C7: variants seen among roughly 807,000 people sequenced by gnomAD.
C7 encodes the protein complement C7.
C7 carries 83 observed loss-of-function variants against 104.8 expected under a neutral mutation model. That is an observed-to-expected ratio of 0.79 (90% CI 0.66 to 0.95). The LOEUF is 0.95. Ranked by LOEUF, C7 falls within the 40% of genes least tolerant of loss-of-function variation. The pLI, the probability that C7 is intolerant of heterozygous loss-of-function variation, is 0.00. For synonymous variants in C7, 415 were observed against 360.6 expected (o/e 1.15, Z -1.71); for missense variants, 1,070 against 1,011.2 (o/e 1.06, Z -0.79).
In C7 at chr5:40,934,373, T is replaced by C. The variant is rs748045831; in HGVS notation, c.187T>C (p.Cys63Arg). 1 of 1,613,686 alleles carries C rather than the reference T, an allele frequency of 6.2e-7. No homozygotes were observed. The highest frequency in any genetic ancestry group is 2.2e-5 in the East Asian group (1 of 44,866). Residue 63 changes from cysteine (C) to arginine (R), a missense_variant, in exon 4 of 18, where the codon TGT becomes CGT. Transcript: ENST00000313164. ...GTATGGGCAGTATGGAGGCCAGCCT[T>C]GTGTTGGAAATGCTTTTGAAACACA... ...AVYGQYGGQPCVGNAFETQSC... is the reference protein window; with the variant it reads ...AVYGQYGGQPRVGNAFETQSC...
chr5:40,984,110 T>C lies in C7; in HGVS notation c.*2537T>C, dbSNP rs1741011658. ...GCCTGAGAATATTTCCTAATCGTTT[T>C]GAGAAGTGCCTTCCTGTGACATCTT... On this transcript the variant is annotated 3_prime_UTR_variant, in exon 18 of 18. Coordinates refer to ENST00000313164, the MANE Select transcript of C7 (RefSeq NM_000587.4). 6.6e-6 allele frequency among the ~76,000 whole-genome samples: 1 copy of C among 152,232 alleles called. No homozygotes were observed. The highest frequency in any genetic ancestry group is 2.4e-5 in the African/African-American group (1 of 41,460).
intron 15 of C7, among the ~76,000 whole-genome samples, chr5:40,973,692 G>C (rs945178847): frequency 2.0e-5 from 3 of 152,156 alleles, no homozygotes; most frequent in Non-Finnish European, 2.9e-5. Context: ...ATAAACATGA[G>C]TTTACTTGGA....
At chr5:40,968,856 C>T (rs983368717) in intron 14 of C7, among the ~76,000 whole-genome samples, 29 of 151,360 alleles carry the variant, frequency 1.9e-4, no homozygotes, top group Non-Finnish European at 3.1e-4. Context: ...AAGTGATCTG[C>T]CTGCTTCAGT....
At chr5:40,933,451 T>C (rs570820133) in intron 3 of C7, among the ~76,000 whole-genome samples, 2 of 152,216 alleles carry the variant, frequency 1.3e-5, no homozygotes, top group South Asian at 4.1e-4. Context: ...TTTGTTTGAA[T>C]GTTAGATACA....
At chr5:40,909,824 G>A (rs1161292596) in intron 1 of C7, among the ~76,000 whole-genome samples, 1 of 152,070 alleles carries the variant, frequency 6.6e-6, no homozygotes, top group African/African-American at 2.4e-5. Context: ...CAGCCAAAGT[G>A]AATTCCTTTT....
At chr5:40,929,987 A>G (rs1339813652) in intron 2 of C7, among the ~76,000 whole-genome samples, 1 of 152,144 alleles carries the variant, frequency 6.6e-6, no homozygotes, top group African/African-American at 2.4e-5. Flanking sequence ...TTCAAAGGCC[A>G]TAAAACCTTG....
rs1740333109 is a variant in C7, at chr5:40,958,058, A to G, written c.1286A>G (p.Lys429Arg). The change falls in exon 11 of 18, where the codon AAG (lysine) becomes AGG (arginine). Residue 429 changes from lysine (K) to arginine (R), a missense_variant. Coordinates refer to ENST00000313164, the MANE Select transcript of C7 (RefSeq NM_000587.4). ...QKLTPLYELV[K>R]EVPCASVKKL... ...CTGACACCTTTATATGAGCTGGTAA[A>G]GGAAGTACCTTGTGCCTCTGTGAAA... 2 of 1,613,276 alleles carry G rather than the reference A, an allele frequency of 1.2e-6. No individual in the cohort carries two copies. The highest frequency in any genetic ancestry group is 2.7e-5 in the African/African-American group (2 of 74,914).
intron 7 of C7, among the ~76,000 whole-genome samples, chr5:40,946,545 C>T (rs1312337204): frequency 6.6e-6 from 1 of 152,128 alleles, no homozygotes; most frequent in Non-Finnish European, 1.5e-5. Flanking sequence ...CTGTCTTGGA[C>T]ATCATTAAAA....
intron 1 of C7, among the ~76,000 whole-genome samples, chr5:40,922,758 G>A (rs1203917722): frequency 6.6e-6 from 1 of 151,218 alleles, no homozygotes; most frequent in Non-Finnish European, 1.5e-5. Context: ...AATGGTTTTG[G>A]GAAAACTGGG....
At chr5:40,957,769 T>TTG (rs1459286375) in intron 10 of C7, among the ~76,000 whole-genome samples, 2 of 32,828 alleles carry the variant, frequency 6.1e-5, no homozygotes, top group African/African-American at 4.0e-4. Flanking sequence ...TTTTTTTTTG[T>TTG]TTTTTTTTTT....
Position 40,982,287 on chromosome 5 carries a change from G to A in C7, c.*714G>A, listed in dbSNP as rs1740966179. ...GCTTCCCAAGCAGCTGGGATTACAGGTGCCCGCCACCACGCCCAGCTAATT... is the reference window on the plus strand; with the variant it reads ...GCTTCCCAAGCAGCTGGGATTACAGATGCCCGCCACCACGCCCAGCTAATT... On this transcript the variant is annotated 3_prime_UTR_variant, in exon 18 of 18. Coordinates refer to ENST00000313164, the MANE Select transcript of C7 (RefSeq NM_000587.4). 1 of 152,150 alleles carries A rather than the reference G, an allele frequency of 6.6e-6. No individual in the cohort carries two copies. Among genetic ancestry groups the A allele is most frequent in the Non-Finnish European group, 1.5e-5 (1 of 68,082 alleles). The allele number at this position is 152,150 out of a possible 1,614,324, so 9.4% of individuals were successfully genotyped here. A position where few individuals can be genotyped will look rare whatever the true frequency, so the allele number is the denominator to read the frequency against.
At chr5:40,935,195 C>A (rs778303540) in intron 4 of C7, among the ~76,000 whole-genome samples, 2 of 152,134 alleles carry the variant, frequency 1.3e-5, no homozygotes, top group Non-Finnish European at 2.9e-5. Flanking sequence ...GCCCTAAATC[C>A]CCAACTGATA....
chr5:40,913,537 C>T (rs114932567), intron 1 of C7, among the ~76,000 whole-genome samples: 346 of 152,190 alleles, frequency 2.3e-3, no homozygotes, highest in Non-Finnish European at 3.8e-3. Context: ...CTCTGTTATC[C>T]AGGCTGGAGA....
At chr5:40,936,137 A>C (rs1438891762) in intron 4 of C7, among the ~76,000 whole-genome samples, 2 of 152,134 alleles carry the variant, frequency 1.3e-5, no homozygotes, top group Non-Finnish European at 2.9e-5. Context: ...TGTCTGATTG[A>C]GTTAAGAACC....
At chr5:40,945,085 G>A in intron 6 of C7, 113 bp from the exon 7 acceptor site, 1 of 615,768 alleles carries the variant, frequency 1.6e-6, no homozygotes. Context: ...AGTCACAGTT[G>A]CTTTGTGCCA....
In C7 at chr5:40,934,347, T is replaced by C; in HGVS notation, c.161T>C (p.Val54Ala). ...TAGACTCGCAGGCGGTCAGTTGCTG[T>C]GTATGGGCAGTATGGAGGCCAGCCT... ...KTQTRRRSVA[V>A]YGQYGGQPCV... Residue 54 changes from valine (V) to alanine (A), a missense_variant, in exon 4 of 18, where the codon GTG (valine) becomes GCG (alanine). Physicochemically the swap from Val to Ala is moderately conservative, Grantham distance 64 (BLOSUM62 0). Coordinates refer to ENST00000313164, the MANE Select transcript of C7 (RefSeq NM_000587.4). 1 of 1,612,422 alleles carries C rather than the reference T, an allele frequency of 6.2e-7. No homozygotes were observed. Among genetic ancestry groups the C allele is most frequent in the Non-Finnish European group, 8.5e-7 (1 of 1,179,156 alleles).
At chr5:40,958,814 T>C (rs1034514515) in intron 11 of C7, among the ~76,000 whole-genome samples, 3 of 152,242 alleles carry the variant, frequency 2.0e-5, no homozygotes, top group African/African-American at 7.2e-5. Context: ...TTTATGTACA[T>C]GTCTGTCTCT....
intron 2 of C7, among the ~76,000 whole-genome samples, chr5:40,930,824 C>T (rs904834541): frequency 8.5e-5 from 13 of 152,068 alleles, no homozygotes; most frequent in African/African-American, 3.1e-4. Context: ...CCTCAGCCTC[C>T]CAAAGTGCTA....
chr5:40,964,749 T>C lies in C7; in HGVS notation c.1758T>C (p.Gly586=), dbSNP rs758223072. The C allele has an allele frequency of 1.2e-5, 19 of 1,613,002 alleles. No individual in the cohort carries two copies. The East Asian group carries it at 2.0e-4, about 17-fold the overall frequency. ...ALKDGFVQDE[G]TMFPVGKNVV... ...CTTTTACTTTTGTTTAGGATGAAGG[T>C]ACAATGTTTCCTGTGGGGAAAAATG... The change falls in exon 14 of 18, where the codon GGT becomes GGC. Residue 586 remains glycine (G), a synonymous_variant. Coordinates refer to ENST00000313164, the MANE Select transcript of C7 (RefSeq NM_000587.4).
Sources: gnomAD v4.1 joint callset for allele counts (sites outside exome capture counted in the v4.1 genomes callset) on GRCh38, gnomAD v4.1.1 for gene constraint, MANE v1.5 for transcripts, NCBI Gene and HGNC (gene_info 2026-07-23, HGNC 2026-07-21) for gene names.